The following DDB2 variants were observed in gnomAD, a reference collection of about 807,000 sequenced individuals.
DDB2 encodes DNA damage-binding protein 2.
A neutral mutation model predicts 50.5 loss-of-function variants in DDB2; 27 were observed. The observed-to-expected ratio is 0.53, with a 90% CI of 0.39 to 0.74. DDB2 has a LOEUF of 0.74. Ranked by LOEUF, DDB2 falls within the 30% of genes least tolerant of loss-of-function variation. DDB2 has a pLI of 0.00. For missense variants in DDB2, 424 were observed against 545.6 expected (o/e 0.78, Z 2.22); for synonymous variants, 176 against 205.5 (o/e 0.86, Z 1.23).
chr11:47,218,967 C>T (rs73465806), intron 3 of DDB2, among the ~76,000 whole-genome samples: 6,948 of 150,928 alleles, frequency 0.046, 532 homozygotes, highest in African/African-American at 0.16. Flanking sequence ...TTTTTTGAGG[C>T]GGACTCTCGC....
At chr11:47,234,976 G>A in intron 6 of DDB2, 42 bp downstream of exon 6, 1 of 1,605,714 alleles carries the variant, frequency 6.2e-7, no homozygotes, top group South Asian at 1.1e-5. Context: ...GACCCTGCCT[G>A]TCTGACCACT....
At chr11:47,224,304 T>C (rs527857361) in intron 3 of DDB2, among the ~76,000 whole-genome samples, 4 of 152,122 alleles carry the variant, frequency 2.6e-5, no homozygotes, top group Non-Finnish European at 5.9e-5. Context: ...CTCGGCTCAC[T>C]GCAACCTCCA....
intron 7 of DDB2, among the ~76,000 whole-genome samples, chr11:47,237,068 CTT>C (rs1279763823): frequency 1.3e-5 from 2 of 152,126 alleles, no homozygotes; most frequent in Non-Finnish European, 2.9e-5. Flanking sequence ...GTTTCCTTCT[CTT>C]TTTTAGCCAT....
chr11:47,234,961 C>T, intron 6 of DDB2, 27 bp downstream of exon 6: 1 of 1,612,774 alleles, frequency 6.2e-7, no homozygotes, highest in African/African-American at 1.3e-5. Flanking sequence ...CTCATCTCTC[C>T]TGCAGACCCT....
intron 3 of DDB2, among the ~76,000 whole-genome samples, chr11:47,231,134 A>C (rs1315153498): frequency 6.6e-6 from 1 of 151,158 alleles, no homozygotes; most frequent in Non-Finnish European, 1.5e-5. Context: ...AAAAAAAAAA[A>C]AAAAAAAAAA....
At chr11:47,234,245 G>T (rs1953690767) in intron 4 of DDB2, among the ~76,000 whole-genome samples, 1 of 151,980 alleles carries the variant, frequency 6.6e-6, no homozygotes, top group African/African-American at 2.4e-5. Flanking sequence ...AAGGAGGCTT[G>T]CTCAGAACCC....
Position 47,217,061 on chromosome 11 carries a change from C to T in DDB2, c.456+12C>T. The T allele has an allele frequency of 1.2e-6, 2 of 1,611,780 alleles. No individual in the cohort carries two copies. The highest frequency in any genetic ancestry group is 1.7e-6 in the Non-Finnish European group (2 of 1,178,022). On this transcript the variant is annotated intron_variant, in intron 3 of 9. Coordinates refer to ENST00000256996, the MANE Select transcript of DDB2 (RefSeq NM_000107.3). ...CCTTCATCAAAGGGGTGAGCAGTTC[C>T]CCATGCCAGGTCGTGCTAAAGAAGT...
chr11:47,230,840 A>C (rs1953636832), intron 3 of DDB2, among the ~76,000 whole-genome samples: 1 of 152,118 alleles, frequency 6.6e-6, no homozygotes, highest in African/African-American at 2.4e-5. Context: ...ACAGTGCCTG[A>C]CTGGGCGCAG....
At chr11:47,233,526 T>C (rs548422223) in intron 4 of DDB2, 70 of 176,366 alleles carry the variant, frequency 4.0e-4, no homozygotes, top group African/African-American at 1.6e-3. Context: ...GCCAACATGG[T>C]GAAACCCCCA....
At chr11:47,231,160 C>T (rs1953644226) in intron 3 of DDB2, among the ~76,000 whole-genome samples, 1 of 150,078 alleles carries the variant, frequency 6.7e-6, no homozygotes, top group Admixed American at 6.6e-5. Context: ...AAAGAAAATC[C>T]CCCCAAAAAA....
chr11:47,231,762 C>A (rs992298494), intron 3 of DDB2, among the ~76,000 whole-genome samples: 6 of 152,070 alleles, frequency 3.9e-5, no homozygotes, highest in Admixed American at 2.0e-4. Context: ...TCAAGCAATC[C>A]CCCCGCCTCA....
chr11:47,215,361 G>A, intron 1 of DDB2, 98 bp downstream of exon 1: 1 of 1,593,234 alleles, frequency 6.3e-7, no homozygotes. Flanking sequence ...CCCGAGGCCC[G>A]CGCAGGTCAC....
Position 47,216,958 on chromosome 11 carries a change from C to G in DDB2, c.365C>G (p.Thr122Ser), listed in dbSNP as rs769321481. The part of the protein sequence containing the change: ...RRATSLAWHP[T>S]HPSTVAVGSK... ...GCTACATCCTTGGCGTGGCACCCAA[C>G]TCACCCCAGCACCGTGGCTGTGGGT... is the stretch of plus-strand genomic sequence containing the variant. Residue 122 changes from threonine to serine, a missense_variant, in exon 3 of 10, where the codon ACT (threonine) becomes AGT (serine). By Grantham distance (58) the Thr-to-Ser change is moderately conservative (BLOSUM62 1). Coordinates refer to ENST00000256996, the MANE Select transcript of DDB2 (RefSeq NM_000107.3). The G allele has an allele frequency of 5.6e-6, 9 of 1,613,988 alleles. No homozygotes were observed. The Admixed American group carries it at 1.3e-4, about 24-fold the overall frequency.
chr11:47,239,036 C>T lies in DDB2; in HGVS notation c.*187C>T, dbSNP rs1953795698. ...TTATGTTAATGCTCTGGACTTGCCT[C>T]CAGAGACTGCTCCAGAGTTGGTGAC... is the stretch of plus-strand genomic sequence containing the variant. On this transcript the variant is annotated 3_prime_UTR_variant, in exon 10 of 10. Transcript: ENST00000256996. 1.7e-6 allele frequency: 1 copy of T among 600,456 alleles called. No individual in the cohort carries two copies. Among genetic ancestry groups the T allele is most frequent in the Non-Finnish European group, 3.0e-6 (1 of 336,830 alleles). 37.2% of individuals were successfully genotyped at this position (600,456 alleles called of 1,614,324 possible). A position where few individuals can be genotyped will look rare whatever the true frequency, so the allele number is the denominator to read the frequency against.
chr11:47,227,604 G>A (rs537258116), intron 3 of DDB2, among the ~76,000 whole-genome samples: 36 of 151,412 alleles, frequency 2.4e-4, no homozygotes, highest in African/African-American at 7.0e-4. Flanking sequence ...TCCACCTCCC[G>A]GGTTCAAGCA....
chr11:47,216,452 T>C lies in DDB2; in HGVS notation c.244T>C (p.Ser82Pro). 1 of 1,613,668 alleles carries C rather than the reference T, an allele frequency of 6.2e-7. No homozygotes were observed. Among genetic ancestry groups the C allele is most frequent in the African/African-American group, 1.3e-5 (1 of 75,044 alleles). Residue 82 changes from serine to proline, a missense_variant, in exon 2 of 10, where the codon TCC becomes CCC. Physicochemically the swap from Ser to Pro is moderately conservative, Grantham distance 74. Transcript: ENST00000256996. ...CCACCAGCATAAGCTGGGCAGAGCT[T>C]CCTGGCCATCTGTCCAGCAGGTAAG... Reference protein sequence around the residue: ...TLHQHKLGRASWPSVQQGLQQ... With the variant: ...TLHQHKLGRAPWPSVQQGLQQ...
intron 3 of DDB2, chr11:47,220,251 G>A (rs897386451): frequency 6.6e-6 from 1 of 152,210 alleles, no homozygotes; most frequent in East Asian, 1.9e-4. Context: ...CGGACAGAGT[G>A]GGGTAGGTTT....
intron 3 of DDB2, among the ~76,000 whole-genome samples, chr11:47,232,459 T>C (rs4647741): frequency 0.27 from 40,546 of 151,416 alleles, 6,826 homozygotes; most frequent in East Asian, 0.65. Flanking sequence ...CAAGACCAGC[T>C]TGGGCAACGT....
chr11:47,215,175 C>T lies in DDB2; in HGVS notation c.39C>T (p.Ser13=), dbSNP rs1319591981. ...PKKRPETQKT[S]EIVLRPRNKR... ...AACGCCCAGAAACCCAGAAGACCTC[C>T]GAGATTGTATTACGCCCCAGGAACA... Residue 13 remains serine (S), a synonymous_variant, in exon 1 of 10, where the codon TCC becomes TCT. Coordinates refer to ENST00000256996, the MANE Select transcript of DDB2 (RefSeq NM_000107.3). 6.2e-7 allele frequency: 1 copy of T among 1,613,944 alleles called. No individual in the cohort carries two copies. The highest frequency in any genetic ancestry group is 8.5e-7 in the Non-Finnish European group (1 of 1,180,036).
Sources: gnomAD v4.1 joint callset for allele counts (sites outside exome capture counted in the v4.1 genomes callset) on GRCh38, gnomAD v4.1.1 for gene constraint, MANE v1.5 for transcripts, NCBI Gene and HGNC (gene_info 2026-07-23, HGNC 2026-07-21) for gene names.